The following PRUNE2 variants were observed in gnomAD, a reference collection of about 807,000 sequenced individuals.
PRUNE2 encodes prune homolog 2 with BCH domain.
In PRUNE2, 164 loss-of-function variants were observed where a neutral mutation model predicts 252.0. The observed-to-expected ratio is 0.65, with a 90% confidence interval of 0.57 to 0.74. The LOEUF (loss-of-function observed/expected upper bound fraction) is 0.74, where lower values mean the gene tolerates loss of function less well. Ranked by LOEUF, PRUNE2 falls within the 30% of genes least tolerant of loss-of-function variation. PRUNE2 has a pLI of 0.00. For synonymous variants in PRUNE2, 1,292 were observed against 1,350.2 expected (o/e 0.96, Z 0.94); for missense variants, 3,495 against 3,711.0 (o/e 0.94, Z 1.51).
intron 11 of PRUNE2, among the ~76,000 whole-genome samples, chr9:76,648,414 C>T (rs1469153420): frequency 6.6e-6 from 1 of 152,174 alleles, no homozygotes; most frequent in African/African-American, 2.4e-5. Flanking sequence ...TTGGAAGCAG[C>T]CAAGACGTCC....
At chr9:76,693,682 T>A (rs570262099) in intron 9 of PRUNE2, among the ~76,000 whole-genome samples, 2,083 of 152,134 alleles carry the variant, frequency 0.014, 39 homozygotes, top group African/African-American at 0.047. Context: ...GACCTCGTGA[T>A]CCACCCGCCT....
chr9:76,692,235 T>G (rs755888292), intron 9 of PRUNE2: 1 of 701,974 alleles, frequency 1.4e-6, no homozygotes, highest in Non-Finnish European at 2.6e-6. Flanking sequence ...ATCACCTGCC[T>G]CCCAGATCTC....
chr9:76,659,208 G>A (rs1055002946), intron 9 of PRUNE2, among the ~76,000 whole-genome samples: 3 of 152,202 alleles, frequency 2.0e-5, no homozygotes, highest in Non-Finnish European at 4.4e-5. Context: ...ACCACATTAC[G>A]ATCTAGCCCA....
At chr9:76,690,343 GCAAA>G (rs1194670470) in intron 9 of PRUNE2, among the ~76,000 whole-genome samples, 6 of 152,138 alleles carry the variant, frequency 3.9e-5, no homozygotes, top group African/African-American at 1.4e-4. Context: ...CTTGACAATA[GCAAA>G]CAGAGGGCAA....
intron 9 of PRUNE2, among the ~76,000 whole-genome samples, chr9:76,676,083 C>CAAAAAAAACA (rs1554684831): frequency 3.4e-5 from 5 of 147,958 alleles, no homozygotes; most frequent in East Asian, 2.0e-4. Context: ...AAACCAAAAA[C>CAAAAAAAACA]AAAAAAAACT....
At chr9:76,800,006 G>A (rs1230945949) in intron 6 of PRUNE2, among the ~76,000 whole-genome samples, 5 of 152,082 alleles carry the variant, frequency 3.3e-5, no homozygotes, top group Non-Finnish European at 2.9e-5. Context: ...AGCAGCAGTG[G>A]CCAAGAGACC....
At chr9:76,743,443 A>C (rs1312911445) in intron 6 of PRUNE2, among the ~76,000 whole-genome samples, 1 of 152,224 alleles carries the variant, frequency 6.6e-6, no homozygotes, top group Non-Finnish European at 1.5e-5. Flanking sequence ...GGTAGCAAAA[A>C]TTGGAAATAG....
At chr9:76,879,839 A>C (rs1009125028) in intron 1 of PRUNE2, among the ~76,000 whole-genome samples, 1 of 138,712 alleles carries the variant, frequency 7.2e-6, no homozygotes, top group African/African-American at 2.7e-5. Flanking sequence ...TTTTATTTCC[A>C]CTGTAAAGAT....
chr9:76,711,195 A>G lies in PRUNE2; in HGVS notation c.1079T>C (p.Met360Thr). 1 of 1,613,982 alleles carries G rather than the reference A, an allele frequency of 6.2e-7. No homozygotes were observed. Among genetic ancestry groups the G allele is most frequent in the African/African-American group, 1.3e-5 (1 of 75,050 alleles). The change falls in exon 8 of 19, where the codon ATG becomes ACG. Residue 360 changes from methionine to threonine, a missense_variant. Transcript: ENST00000376718. ...TGAGGATGTCCGGCTATTGGAGACC[A>G]TCTCTGGACACCTCCTGTTGATGAC... is the stretch of plus-strand genomic sequence containing the variant. ...KEVINRRCPE[M>T]VSNSRTSSTE...
chr9:76,804,926 C>A (rs1025909810), intron 6 of PRUNE2, among the ~76,000 whole-genome samples: 2 of 152,200 alleles, frequency 1.3e-5, no homozygotes, highest in African/African-American at 4.8e-5. Flanking sequence ...ACACTGTCTT[C>A]ATTTAATAAA....
At chr9:76,644,253 A>C (rs1179089458) in intron 12 of PRUNE2, among the ~76,000 whole-genome samples, 2 of 152,278 alleles carry the variant, frequency 1.3e-5, no homozygotes, top group East Asian at 3.9e-4. Context: ...AGTTTACAGA[A>C]AGGCAAACTT....
chr9:76,770,300 C>T (rs2052949195), intron 6 of PRUNE2, among the ~76,000 whole-genome samples: 1 of 152,100 alleles, frequency 6.6e-6, no homozygotes, highest in Non-Finnish European at 1.5e-5. Flanking sequence ...TTCTAAGTTT[C>T]TCTGGACTTT....
At chr9:76,903,376 A>G (rs75917758) in intron 1 of PRUNE2, among the ~76,000 whole-genome samples, 1 of 146,722 alleles carries the variant, frequency 6.8e-6, no homozygotes, top group African/African-American at 2.5e-5. Context: ...GCCAAATAGG[A>G]AAAAAAAAAA....
intron 6 of PRUNE2, among the ~76,000 whole-genome samples, chr9:76,753,654 G>A (rs1223431840): frequency 6.6e-6 from 1 of 152,084 alleles, no homozygotes; most frequent in African/African-American, 2.4e-5. Context: ...TTTCAAAGTT[G>A]CCTAAGTGCC....
At position 76,627,788 on chromosome 9, in the gene PRUNE2, A is replaced by G. The variant is rs187254368; in HGVS notation, c.9149+1404T>C. 2.2e-4 allele frequency: 81 copies of G among 360,022 alleles called. 1 individual carries two copies. The highest frequency in any genetic ancestry group is 1.5e-3 in the African/African-American group (69 of 46,020). The allele number at this position is 360,022 out of a possible 1,614,324, so 22.3% of individuals were successfully genotyped here. ...TCCGTTCCATCTCTTCCTGGTTCCT[A>G]CTTATACTGTGCATAAGTAACTTCC... On this transcript the variant is annotated intron_variant, in intron 16 of 18. Transcript: ENST00000376718.
At chr9:76,782,825 T>C (rs540196882) in intron 6 of PRUNE2, 1 of 152,328 alleles carries the variant, frequency 6.6e-6, no homozygotes, top group African/African-American at 2.4e-5. Context: ...GACATCTCAA[T>C]GGCAGGGGTG....
At chr9:76,721,869 C>T (rs2047671291) in intron 6 of PRUNE2, among the ~76,000 whole-genome samples, 1 of 152,082 alleles carries the variant, frequency 6.6e-6, no homozygotes, top group South Asian at 2.1e-4. Flanking sequence ...TTTATGCAAC[C>T]AAAATTCCAT....
intron 6 of PRUNE2, among the ~76,000 whole-genome samples, chr9:76,763,155 T>C (rs947330784): frequency 2.6e-5 from 4 of 152,198 alleles, no homozygotes; most frequent in Admixed American, 2.6e-4. Context: ...CATTATAGCA[T>C]CATGACAAAA....
At chr9:76,652,950 C>G (rs755410911) in intron 10 of PRUNE2, among the ~76,000 whole-genome samples, 1 of 152,098 alleles carries the variant, frequency 6.6e-6, no homozygotes, top group Non-Finnish European at 1.5e-5. Context: ...GGATACTTAA[C>G]CTATACGTGG....
Sources: allele counts gnomAD v4.1 joint callset (sites outside exome capture counted in the v4.1 genomes callset), GRCh38; gene constraint gnomAD v4.1.1; transcripts MANE v1.5; gene names NCBI Gene and HGNC (gene_info 2026-07-23, HGNC 2026-07-21).